SLC26A1: variants seen among roughly 807,000 people sequenced by gnomAD.
SLC26A1 encodes solute carrier family 26 member 1, also known as sulfate anion transporter 1.
A neutral mutation model predicts 14.5 loss-of-function variants in SLC26A1; 18 were observed. The ratio of observed to expected loss-of-function variants is 1.24; its 90% CI spans 0.86 to 1.84. SLC26A1 has a LOEUF of 1.84. Ranked by LOEUF, SLC26A1 falls within the 40% of genes most tolerant of loss-of-function variation. The pLI is 0.00. For missense variants in SLC26A1, 1,049 were observed against 1,020.0 expected (o/e 1.03, Z -0.39); for synonymous variants, 505 against 492.0 (o/e 1.03, Z -0.35).
Position 987,659 on chromosome 4 carries a change from C to A in SLC26A1, c.*1174G>T, listed in dbSNP as rs1369170686. 47 of 1,466,994 alleles carry A rather than the reference C, an allele frequency of 3.2e-5. No individual in the cohort carries two copies. Among genetic ancestry groups the A allele is most frequent in the Non-Finnish European group, 4.0e-5 (44 of 1,106,288 alleles). The allele number at this position is 1,466,994 out of a possible 1,614,324, so 90.9% of individuals were successfully genotyped here. On this transcript the variant is annotated 3_prime_UTR_variant, in exon 3 of 3. Coordinates refer to ENST00000398516, the MANE Select transcript of SLC26A1 (RefSeq NM_022042.4). The stretch of plus-strand genomic sequence containing the variant: ...CATGAAGATGGGACCTCCCCACATT[C>A]CTGGCCCTAAGGGTCATTTTATTAG...
Position 989,265 on chromosome 4 carries a change from G to T in SLC26A1, c.1674C>A (p.Leu558=). The T allele has an allele frequency of 6.2e-7, 1 of 1,612,710 alleles. No homozygotes were observed. The highest frequency in any genetic ancestry group is 8.5e-7 in the Non-Finnish European group (1 of 1,179,878). ...YANKDFFLQS[L]YSLTGLDAGC... ...CTGCGTCCAGCCCCGTGAGGCTGTA[G>T]AGTGACTGCAGGAAGAAGTCCTTGT... is the stretch of plus-strand genomic sequence containing the variant. Residue 558 remains leucine, a synonymous_variant, in exon 3 of 3, where the codon CTC becomes CTA. Coordinates refer to ENST00000398516, the MANE Select transcript of SLC26A1 (RefSeq NM_022042.4).
downstream of SLC26A1, among the ~76,000 whole-genome samples, chr4:984,910 C>T (rs1362252247): frequency 2.0e-5 from 3 of 152,204 alleles, 1 homozygote; most frequent in South Asian, 4.1e-4. Context: ...CCCCATCATG[C>T]ACTTTGTAAT....
rs766105709 is a variant in SLC26A1 at position 987,980 on chromosome 4, G to C, written c.*853C>G. The C allele has an allele frequency of 1.3e-4, 195 of 1,547,794 alleles. No individual in the cohort carries two copies. The highest frequency in any genetic ancestry group is 1.6e-4 in the Non-Finnish European group (186 of 1,145,046). On this transcript the variant is annotated 3_prime_UTR_variant, in exon 3 of 3. Transcript: ENST00000398516. ...CGGCGGGCAGGGTCTGGGCGTCCCAGAGCCCCTTACAGAGGCACAGATGGG... is the reference window on the plus strand; with the variant it reads ...CGGCGGGCAGGGTCTGGGCGTCCCACAGCCCCTTACAGAGGCACAGATGGG...
At chr4:992,600 T>A in intron 1 of SLC26A1, 10 of 192,532 alleles carry the variant, frequency 5.2e-5, no homozygotes, top group Non-Finnish European at 8.6e-5. Context: ...GCGCCCTTTT[T>A]CCCAGGCTGC....
chr4:988,107 G>A lies in SLC26A1; in HGVS notation c.*726C>T. ...GTCCTTGCTGGCTGTGCTGGGGTGA[G>A]GGCTGTGTGCTGGAGGGAGCCCCTG... On this transcript the variant is annotated 3_prime_UTR_variant, in exon 3 of 3. Transcript: ENST00000398516. 1.4e-6 allele frequency: 2 copies of A among 1,437,706 alleles called. No individual in the cohort carries two copies. Among genetic ancestry groups the A allele is most frequent in the Non-Finnish European group, 1.8e-6 (2 of 1,096,400 alleles). 89.1% of individuals were successfully genotyped at this position (1,437,706 alleles called of 1,614,324 possible).
At chr4:992,015 G>A (rs1046002734) in intron 1 of SLC26A1, 13 of 632,288 alleles carry the variant, frequency 2.1e-5, no homozygotes, top group African/African-American at 1.2e-4. Context: ...GCGGCGTGGC[G>A]GCACCCTGTC....
rs1005178050 is a variant in SLC26A1, at chr4:990,144, GACC to G, written c.792_794del (p.Val265del). The G allele has an allele frequency of 1.3e-6, 2 of 1,567,440 alleles. No individual in the cohort carries two copies. Among genetic ancestry groups the G allele is most frequent in the Non-Finnish European group, 1.7e-6 (2 of 1,157,674 alleles). On this transcript the variant is annotated inframe_deletion, in exon 3 of 3. Coordinates refer to ENST00000398516, the MANE Select transcript of SLC26A1 (RefSeq NM_022042.4). ...GCACCGCCAGGCACACCGTGCTGGT[GACC>G]ACGTCGCACACGTTGGCCTGCCCGG...
intron 1 of SLC26A1, chr4:992,117 A>G (rs1283484272): frequency 4.0e-6 from 2 of 493,832 alleles, no homozygotes; most frequent in Non-Finnish European, 7.9e-6. Flanking sequence ...GGGCAGGAAC[A>G]GGCTGGGCTG....
downstream of SLC26A1, chr4:986,914 CGGCTCCCCGA>C (rs766029084): frequency 3.1e-5 from 22 of 698,668 alleles, no homozygotes; most frequent in South Asian, 8.9e-5. Flanking sequence ...GCCGTGCTCC[CGGCTCCCCGA>C]GGCTCCCCGA....
chr4:991,907 G>C lies in SLC26A1; in HGVS notation c.-27-177C>G, dbSNP rs773830268. The C allele has an allele frequency of 1.2e-5, 13 of 1,059,606 alleles. No individual in the cohort carries two copies. The South Asian group carries it at 1.4e-4, about 11-fold the overall frequency. The allele number at this position is 1,059,606 out of a possible 1,614,324, so 65.6% of individuals were successfully genotyped here. On this transcript the variant is annotated intron_variant, in intron 1 of 2. Transcript: ENST00000398516. Reference sequence around the variant, plus strand: ...AGCCCCCTGCCCGGTATGGATGGACGCTGGGCCCTGCTGGATCCAGAATCC... The same window carrying C: ...AGCCCCCTGCCCGGTATGGATGGACCCTGGGCCCTGCTGGATCCAGAATCC...
At chr4:980,809 C>A (rs761003800) in intron 2 of SLC26A1, among the ~76,000 whole-genome samples, 1 of 151,916 alleles carries the variant, frequency 6.6e-6, no homozygotes, top group Non-Finnish European at 1.5e-5. Flanking sequence ...AACTAAAAAC[C>A]AGGGTTTAGG....
In SLC26A1 at chr4:989,354, C is replaced by A; in HGVS notation, c.1585G>T (p.Glu529Ter). 1 of 1,596,520 alleles carries A rather than the reference C, an allele frequency of 6.3e-7. No individual in the cohort carries two copies. The change falls in exon 3 of 3, where the codon GAG becomes TAG. Residue 529 changes from glutamate to a stop codon, truncating the protein, a stop_gained. Coordinates refer to ENST00000398516, the MANE Select transcript of SLC26A1 (RefSeq NM_022042.4). LOFTEE classifies it low-confidence loss of function (END_TRUNC). ...TAFYEDATEF[E>*]GLVPEPGVRV... ...ACGCCGGGCTCAGGGACGAGGCCCT[C>A]GAACTCTGTGGCATCCTCGTAGAAG... is the stretch of plus-strand genomic sequence containing the variant.
intron 2 of SLC26A1, among the ~76,000 whole-genome samples, chr4:980,510 C>T (rs1420696938): frequency 6.7e-6 from 1 of 149,936 alleles, no homozygotes; most frequent in African/African-American, 2.5e-5. Context: ...CGCTTGAACC[C>T]GGGAGGTGGA....
In SLC26A1 at chr4:987,942, A is replaced by C; in HGVS notation, c.*891T>G. On this transcript the variant is annotated 3_prime_UTR_variant, in exon 3 of 3. Coordinates refer to ENST00000398516, the MANE Select transcript of SLC26A1 (RefSeq NM_022042.4). ...GACCCACTGGCTGCTGGAGCTTGTCACCACCAGGTGGGCGGCGGGCAGGGT... is the reference window on the plus strand; with the variant it reads ...GACCCACTGGCTGCTGGAGCTTGTCCCCACCAGGTGGGCGGCGGGCAGGGT... 6.3e-7 allele frequency: 1 copy of C among 1,582,792 alleles called. No individual in the cohort carries two copies. The highest frequency in any genetic ancestry group is 8.6e-7 in the Non-Finnish European group (1 of 1,164,660).
At chr4:983,344 A>G (rs766400766), downstream of SLC26A1, among the ~76,000 whole-genome samples, 15 of 152,162 alleles carry the variant, frequency 9.9e-5, no homozygotes, top group South Asian at 4.1e-4. Context: ...CCAGCCATAA[A>G]CCTAAAAGTA....
rs575903921 is a variant in SLC26A1, at chr4:990,024, C to G, written c.915G>C (p.Val305=). ...ELLVIVVATL[V]SHFGQLHKRF... ...GCTTGTGGAGCTGCCCGAAGTGCGA[C>G]ACGAGTGTGGCCACCACGATGACCA... The change falls in exon 3 of 3, where the codon GTG becomes GTC. Residue 305 remains valine (V), a synonymous_variant. Transcript: ENST00000398516. 3.8e-6 allele frequency: 6 copies of G among 1,590,514 alleles called. No homozygotes were observed. In the East Asian group the frequency reaches 1.1e-4, roughly 30 times the overall value.
chr4:988,133 C>T lies in SLC26A1; in HGVS notation c.*700G>A. ...GGCTGTGTGCTGGAGGGAGCCCCTG[C>T]ATGGGGCACGGTGGGCTTCCTGCAG... On this transcript the variant is annotated 3_prime_UTR_variant, in exon 3 of 3. Transcript: ENST00000398516. 1 of 1,411,618 alleles carries T rather than the reference C, an allele frequency of 7.1e-7. No homozygotes were observed. Among genetic ancestry groups the T allele is most frequent in the Non-Finnish European group, 9.2e-7 (1 of 1,085,074 alleles). The allele number at this position is 1,411,618 out of a possible 1,614,324, so 87.4% of individuals were successfully genotyped here.
chr4:990,478 G>T, intron 2 of SLC26A1, 116 bp from the exon 3 acceptor site: 1 of 1,047,488 alleles, frequency 9.5e-7, no homozygotes, highest in Non-Finnish European at 1.4e-6. Flanking sequence ...ACAATTCTGT[G>T]TTGCGGCCCC....
Position 988,746 on chromosome 4 carries a change from C to T in SLC26A1, c.*87G>A. On this transcript the variant is annotated 3_prime_UTR_variant, in exon 3 of 3. Transcript: ENST00000398516. ...AGAGTGCAGCTCTTGGGTGGCTCCT[C>T]CCTGGGAAGGGTCTCAGCAGTGGCT... 7.0e-7 allele frequency: 1 copy of T among 1,435,790 alleles called. No homozygotes were observed. Among genetic ancestry groups the T allele is most frequent in the Non-Finnish European group, 9.1e-7 (1 of 1,096,540 alleles). 88.9% of individuals were successfully genotyped at this position (1,435,790 alleles called of 1,614,324 possible). A position where few individuals can be genotyped will look rare whatever the true frequency, so the allele number is the denominator to read the frequency against.
Sources: gnomAD v4.1 joint callset for allele counts (sites outside exome capture counted in the v4.1 genomes callset) on GRCh38, gnomAD v4.1.1 for gene constraint, MANE v1.5 for transcripts, NCBI Gene and HGNC (gene_info 2026-07-23, HGNC 2026-07-21) for gene names.